KCNK4: variants seen among roughly 807,000 people sequenced by gnomAD.
KCNK4 encodes the protein potassium channel subfamily K member 4.
A neutral mutation model predicts 28.8 loss-of-function variants in KCNK4; 22 were observed. That is an observed-to-expected ratio of 0.76 (90% confidence interval 0.55 to 1.09). KCNK4 has a LOEUF of 1.09. Ranked by LOEUF, KCNK4 falls within the 50% of genes least tolerant of loss-of-function variation. The pLI is 0.00. For missense variants in KCNK4, 483 were observed against 546.3 expected (o/e 0.88, Z 1.15); for synonymous variants, 263 against 252.9 (o/e 1.04, Z -0.38).
chr11:64,297,075 G>T (rs759272317), intron 3 of KCNK4, 44 bp from the exon 4 acceptor site: 13 of 1,612,554 alleles, frequency 8.1e-6, no homozygotes, highest in Non-Finnish European at 1.0e-5. Flanking sequence ...AGACGGAGGG[G>T]TCCCAGGTGG....
rs904741907 is a variant in KCNK4, at chr11:64,297,550, G to C, written c.558G>C (p.Thr186=). ...TCGGCTGCCTGCTCTTTGTCCTCACGCCCACGTTCGTGTTCTGCTATATGG... is the reference window on the plus strand; with the variant it reads ...TCGGCTGCCTGCTCTTTGTCCTCACCCCCACGTTCGTGTTCTGCTATATGG... ...LLIGCLLFVL[T]PTFVFCYMED... is the part of the protein sequence containing the mutation. The change falls in exon 5 of 7, where the codon ACG becomes ACC. Residue 186 remains threonine (T), a synonymous_variant. Transcript: ENST00000422670. 6.2e-7 allele frequency: 1 copy of C among 1,614,010 alleles called. No homozygotes were observed. Among genetic ancestry groups the C allele is most frequent in the Admixed American group, 1.7e-5 (1 of 60,000 alleles).
rs747576337 is a variant in KCNK4 at position 64,299,543 on chromosome 11, G to T, written c.999G>T (p.Thr333=). Residue 333 remains threonine (T), a synonymous_variant, in exon 7 of 7, where the codon ACG becomes ACT. Transcript: ENST00000422670. Reference sequence around the variant, plus strand: ...AGGCTCAGCCGCCTTCCCCGCCCACGGCCTCGGCCCTGGATTATCCCAGCG... The same window carrying T: ...AGGCTCAGCCGCCTTCCCCGCCCACTGCCTCGGCCCTGGATTATCCCAGCG... The part of the protein sequence containing the change: ...PEKAQPPSPP[T]ASALDYPSEN... The T allele has an allele frequency of 1.2e-6, 2 of 1,609,074 alleles. No homozygotes were observed. Among genetic ancestry groups the T allele is most frequent in the Non-Finnish European group, 1.7e-6 (2 of 1,178,698 alleles).
At chr11:64,298,713 A>G (rs2034840868) in intron 6 of KCNK4, among the ~76,000 whole-genome samples, 1 of 151,996 alleles carries the variant, frequency 6.6e-6, no homozygotes. Flanking sequence ...CAACAACAAA[A>G]ACAAAACTCA....
chr11:64,292,178 G>A, intron 1 of KCNK4: 1 of 839,634 alleles, frequency 1.2e-6, no homozygotes, highest in Non-Finnish European at 1.4e-6. Flanking sequence ...GTGGGCGCGC[G>A]GGTCTTTGTG....
chr11:64,297,933 A>T (rs2034816984), intron 5 of KCNK4, among the ~76,000 whole-genome samples, 177 bp from the exon 6 acceptor site: 1 of 152,162 alleles, frequency 6.6e-6, no homozygotes. Flanking sequence ...TTTATCTTGC[A>T]CACTTTCAAC....
In KCNK4 at chr11:64,299,635, C is replaced by G. The variant is rs1249774460; in HGVS notation, c.1091C>G (p.Ala364Gly). ...GAGCGCGGCTGCCCGCTGCCCCGCGCGCCGAGAGGTCGCCGCCGCCCAAAT... is the reference window on the plus strand; with the variant it reads ...GAGCGCGGCTGCCCGCTGCCCCGCGGGCCGAGAGGTCGCCGCCGCCCAAAT... ...QSERGCPLPR[A>G]PRGRRRPNPP... The change falls in exon 7 of 7, where the codon GCG becomes GGG. Residue 364 changes from alanine (A) to glycine (G), a missense_variant. By Grantham distance (60) the Ala-to-Gly change is moderately conservative. Transcript: ENST00000422670. The G allele has an allele frequency of 6.2e-7, 1 of 1,607,592 alleles. No homozygotes were observed. The highest frequency in any genetic ancestry group is 1.3e-5 in the African/African-American group (1 of 74,402).
rs1279572359 is a variant in KCNK4, at chr11:64,299,873, G to A, written c.*147G>A. ...GCCTCTCCGCCTCCTCCCTGGCCCC[G>A]GCCCTTCCCTCACTTCCATCCATCT... On this transcript the variant is annotated 3_prime_UTR_variant, in exon 7 of 7. Transcript: ENST00000422670. 1.4e-6 allele frequency: 2 copies of A among 1,468,972 alleles called. No individual in the cohort carries two copies. Among genetic ancestry groups the A allele is most frequent in the East Asian group, 4.9e-5 (2 of 40,594 alleles). 91.0% of individuals were successfully genotyped at this position (1,468,972 alleles called of 1,614,324 possible).
chr11:64,297,320 CG>C (rs2135232034), intron 4 of KCNK4, 41 bp downstream of exon 4: 3 of 1,588,354 alleles, frequency 1.9e-6, no homozygotes, highest in East Asian at 4.5e-5. Context: ...TGCTGGGCTC[CG>C]GCTACCCTTC....
At position 64,299,962 on chromosome 11, in the gene KCNK4, C is replaced by G; in HGVS notation, c.*236C>G. On this transcript the variant is annotated 3_prime_UTR_variant, in exon 7 of 7. Coordinates refer to ENST00000422670, the MANE Select transcript of KCNK4 (RefSeq NM_033310.3). The stretch of plus-strand genomic sequence containing the variant: ...CGGGTGTATCCCTCACAGCACCTCA[C>G]GACTGTGCCTCAAAGCCTGCATCAA... 1 of 682,760 alleles carries G rather than the reference C, an allele frequency of 1.5e-6. No homozygotes were observed. The highest frequency in any genetic ancestry group is 2.4e-6 in the Non-Finnish European group (1 of 409,504). 42.3% of individuals were successfully genotyped at this position (682,760 alleles called of 1,614,324 possible).
intron 2 of KCNK4, among the ~76,000 whole-genome samples, chr11:64,293,847 C>G (rs758284866): frequency 1.6e-4 from 25 of 152,062 alleles, no homozygotes; most frequent in Non-Finnish European, 2.6e-4. Flanking sequence ...GTGATCCACC[C>G]GCCTCGGCCT....
chr11:64,292,614 CA>C (rs1257397606), intron 1 of KCNK4: 4 of 159,954 alleles, frequency 2.5e-5, no homozygotes, highest in African/African-American at 7.2e-5. Context: ...CCCGCACCCC[CA>C]CCAAGCTCCA....
intron 2 of KCNK4, among the ~76,000 whole-genome samples, chr11:64,295,102 G>A (rs2034734290): frequency 6.6e-6 from 1 of 152,222 alleles, no homozygotes; most frequent in Admixed American, 6.5e-5. Flanking sequence ...GTGCTGTAGT[G>A]TTATATGCCA....
At position 64,293,033 on chromosome 11, in the gene KCNK4, G is replaced by A; in HGVS notation, c.15G>A (p.Thr5=). 2 of 1,546,690 alleles carry A rather than the reference G, an allele frequency of 1.3e-6. No homozygotes were observed. Among genetic ancestry groups the A allele is most frequent in the Non-Finnish European group, 1.7e-6 (2 of 1,145,784 alleles). MRST[T]LLALLALVLL... is the part of the protein sequence containing the mutation. ...CTGGGCGCGCCATGCGCAGCACCAC[G>A]CTCCTGGCCCTGCTGGCGCTGGTCT... Residue 5 remains threonine, a synonymous_variant, in exon 2 of 7, where the codon ACG becomes ACA. Coordinates refer to ENST00000422670, the MANE Select transcript of KCNK4 (RefSeq NM_033310.3).
At chr11:64,293,614 T>G (rs941038325) in intron 2 of KCNK4, among the ~76,000 whole-genome samples, 2 of 152,190 alleles carry the variant, frequency 1.3e-5, no homozygotes, top group Non-Finnish European at 2.9e-5. Flanking sequence ...AATGCCTTTT[T>G]TTTTGAGACG....
At chr11:64,293,385 G>A (rs1232784020) in intron 2 of KCNK4, among the ~76,000 whole-genome samples, 178 bp downstream of exon 2, 6 of 152,160 alleles carry the variant, frequency 3.9e-5, no homozygotes, top group Admixed American at 3.9e-4. Flanking sequence ...TAGGGCAACT[G>A]TGGGGTCATT....
At chr11:64,294,355 T>C (rs1001526080) in intron 2 of KCNK4, among the ~76,000 whole-genome samples, 1 of 151,668 alleles carries the variant, frequency 6.6e-6, no homozygotes, top group Admixed American at 6.6e-5. Flanking sequence ...CCATCTCTAC[T>C]AAAAATACAA....
intron 2 of KCNK4, chr11:64,296,207 G>C (rs2034760849): frequency 2.0e-5 from 3 of 152,060 alleles, no homozygotes; most frequent in Admixed American, 2.0e-4. Context: ...GGTTTGGCTT[G>C]GGCTTCCTCA....
intron 4 of KCNK4, 75 bp downstream of exon 4, chr11:64,297,354 G>A (rs2034797455): frequency 1.8e-5 from 29 of 1,573,108 alleles, no homozygotes; most frequent in South Asian, 2.4e-5. Flanking sequence ...GCACATGAGC[G>A]CGCCCCCAAA....
chr11:64,298,287 T>C, intron 6 of KCNK4, 38 bp downstream of exon 6: 12 of 1,607,372 alleles, frequency 7.5e-6, no homozygotes, highest in South Asian at 1.1e-5. Context: ...CTGCGCACTG[T>C]GGTGCAAATG....
Sources: allele counts gnomAD v4.1 joint callset (sites outside exome capture counted in the v4.1 genomes callset), GRCh38; gene constraint gnomAD v4.1.1; transcripts MANE v1.5; gene names NCBI Gene and HGNC (gene_info 2026-07-23, HGNC 2026-07-21).